The following MED15 variants were observed in gnomAD, a reference collection of about 807,000 sequenced individuals.
MED15 encodes mediator complex subunit 15.
A neutral mutation model predicts 118.7 loss-of-function variants in MED15; 41 were observed. The observed-to-expected ratio is 0.35, with a 90% CI of 0.27 to 0.45. The LOEUF is 0.45. Ranked by LOEUF, MED15 falls within the 20% of genes least tolerant of loss-of-function variation. MED15 has a pLI of 1.00. For missense variants in MED15, 740 were observed against 1,025.5 expected, an observed-to-expected ratio of 0.72 and a Z score of 3.80; for synonymous variants, 436 against 413.9, an observed-to-expected ratio of 1.05 and a Z score of -0.65.
At position 20,507,658 on chromosome 22, in the gene MED15, G is replaced by T; in HGVS notation, c.-21G>T. On this transcript the variant is annotated 5_prime_UTR_variant, in exon 1 of 18. Transcript: ENST00000263205. ...GGTGGCGGCCAAGCGGGATACGGGCGGCGGGAGCTGGGGAACAGGCATGGA... is the reference window on the plus strand; with the variant it reads ...GGTGGCGGCCAAGCGGGATACGGGCTGCGGGAGCTGGGGAACAGGCATGGA... 2 of 1,613,838 alleles carry T rather than the reference G, an allele frequency of 1.2e-6. No homozygotes were observed. The highest frequency in any genetic ancestry group is 1.7e-6 in the Non-Finnish European group (2 of 1,179,814).
At chr22:20,514,656 C>T (rs1241928002) in intron 1 of MED15, among the ~76,000 whole-genome samples, 1 of 152,184 alleles carries the variant, frequency 6.6e-6, no homozygotes, top group Non-Finnish European at 1.5e-5. Context: ...GCCACCTCTT[C>T]TAGTGAAGCC....
intron 1 of MED15, among the ~76,000 whole-genome samples, chr22:20,517,043 C>G (rs531560596): frequency 2.6e-4 from 39 of 152,080 alleles, no homozygotes; most frequent in African/African-American, 9.4e-4. Flanking sequence ...GATCTTCCTG[C>G]CTTAGCTTCC....
In MED15 at chr22:20,586,948, C is replaced by T. The variant is rs189999956; in HGVS notation, c.*244C>T. 86 of 582,652 alleles carry T rather than the reference C, an allele frequency of 1.5e-4. No individual in the cohort carries two copies. The East Asian group carries it at 2.0e-3, about 14-fold the overall frequency. The allele number at this position is 582,652 out of a possible 1,614,324, so 36.1% of individuals were successfully genotyped here. A position where few individuals can be genotyped will look rare whatever the true frequency, so the allele number is the denominator to read the frequency against. On this transcript the variant is annotated 3_prime_UTR_variant, in exon 18 of 18. Transcript: ENST00000263205. ...TTAGAGAAGGCCCTCCATGTGACTT[C>T]CTCCCAGGAGCCAGATGCGATCCTC...
chr22:20,578,349 C>A (rs9608152), intron 9 of MED15, among the ~76,000 whole-genome samples: 2 of 152,212 alleles, frequency 1.3e-5, no homozygotes, highest in Non-Finnish European at 2.9e-5. Context: ...TCCCTACTGC[C>A]CAGGCAGCTG....
chr22:20,560,867 C>T (rs2056209679), intron 5 of MED15, among the ~76,000 whole-genome samples: 1 of 152,132 alleles, frequency 6.6e-6, no homozygotes, highest in South Asian at 2.1e-4. Context: ...GTATCCCTAG[C>T]CTCAAATCCA....
intron 1 of MED15, among the ~76,000 whole-genome samples, chr22:20,521,676 G>T (rs138837242): frequency 1.3e-5 from 2 of 150,994 alleles, no homozygotes; most frequent in Admixed American, 1.3e-4. Context: ...GATTACAGGC[G>T]TGAGCCACTG....
intron 2 of MED15, among the ~76,000 whole-genome samples, chr22:20,544,345 G>A (rs1291099395): frequency 2.6e-5 from 4 of 152,092 alleles, no homozygotes; most frequent in Admixed American, 6.6e-5. Flanking sequence ...GCTATAACAC[G>A]TTACTACAAG....
chr22:20,584,713 A>C (rs1470350521), intron 14 of MED15, 142 bp from the exon 15 acceptor site: 1 of 1,099,536 alleles, frequency 9.1e-7, no homozygotes, highest in Non-Finnish European at 1.3e-6. Context: ...AGGATCAGCC[A>C]ACATTGTCTG....
At chr22:20,551,599 G>A in intron 3 of MED15, 112 bp downstream of exon 3, 3 of 987,032 alleles carry the variant, frequency 3.0e-6, no homozygotes, top group Non-Finnish European at 4.9e-6. Flanking sequence ...CAGAAGGTCT[G>A]TGTCACCTCA....
chr22:20,572,103 A>G (rs1472002678), intron 8 of MED15, among the ~76,000 whole-genome samples: 2 of 152,148 alleles, frequency 1.3e-5, no homozygotes, highest in African/African-American at 2.4e-5. Flanking sequence ...ATTTTTTGCT[A>G]TTACCAGTGA....
chr22:20,527,014 T>C (rs935036502), intron 1 of MED15, among the ~76,000 whole-genome samples: 1 of 152,206 alleles, frequency 6.6e-6, no homozygotes, highest in African/African-American at 2.4e-5. Flanking sequence ...ACATGCTAAC[T>C]GGGGAATTTA....
intron 1 of MED15, among the ~76,000 whole-genome samples, chr22:20,533,700 C>T (rs1293024497): frequency 1.3e-5 from 2 of 152,196 alleles, no homozygotes; most frequent in Non-Finnish European, 1.5e-5. Context: ...CTGTTTCTGG[C>T]CTCCAGCTTG....
chr22:20,521,316 C>T (rs529818079), intron 1 of MED15, among the ~76,000 whole-genome samples: 1 of 151,708 alleles, frequency 6.6e-6, no homozygotes, highest in South Asian at 2.1e-4. Flanking sequence ...AGGCTGGTCT[C>T]GAACTCCTGA....
At position 20,586,835 on chromosome 22, in the gene MED15, T is replaced by C; in HGVS notation, c.*131T>C. On this transcript the variant is annotated 3_prime_UTR_variant, in exon 18 of 18. Coordinates refer to ENST00000263205, the MANE Select transcript of MED15 (RefSeq NM_001003891.3). The stretch of plus-strand genomic sequence containing the variant: ...GCTTTCCTGCTTTTATCTTCTGCCT[T>C]GGGGACCTGCCAAACGAAATCCCAC... 1.5e-6 allele frequency: 2 copies of C among 1,351,336 alleles called. No homozygotes were observed. The highest frequency in any genetic ancestry group is 2.0e-6 in the Non-Finnish European group (2 of 1,005,770). 83.7% of individuals were successfully genotyped at this position (1,351,336 alleles called of 1,614,324 possible). A position where few individuals can be genotyped will look rare whatever the true frequency, so the allele number is the denominator to read the frequency against.
chr22:20,568,694 A>T, intron 8 of MED15, 63 bp downstream of exon 8: 1 of 1,570,380 alleles, frequency 6.4e-7, no homozygotes, highest in African/African-American at 1.4e-5. Context: ...CTGCGCATGT[A>T]GTGCTACAGT....
At chr22:20,555,977 C>T (rs148876050) in intron 5 of MED15, among the ~76,000 whole-genome samples, 16,210 of 152,282 alleles carry the variant, frequency 0.11, 1,247 homozygotes, top group Non-Finnish European at 0.15. Context: ...CTCACCTCGG[C>T]CTCCCAAAGT....
chr22:20,537,446 T>C (rs2055124133), intron 2 of MED15, among the ~76,000 whole-genome samples: 1 of 152,164 alleles, frequency 6.6e-6, no homozygotes, highest in Admixed American at 6.5e-5. Flanking sequence ...GCCGTCACCT[T>C]CCATCTGTGG....
chr22:20,523,727 C>G, intron 1 of MED15: 2 of 985,444 alleles, frequency 2.0e-6, no homozygotes, highest in Non-Finnish European at 2.4e-6. Flanking sequence ...GATCTCGAGG[C>G]CTTTCCAACT....
At chr22:20,586,197 C>T (rs1308478235) in intron 17 of MED15, among the ~76,000 whole-genome samples, 2 of 152,218 alleles carry the variant, frequency 1.3e-5, no homozygotes, top group African/African-American at 2.4e-5. Flanking sequence ...CCAGGTTCCA[C>T]TGGTAGCTTG....
Sources: gnomAD v4.1 joint callset for allele counts (sites outside exome capture counted in the v4.1 genomes callset) on GRCh38, gnomAD v4.1.1 for gene constraint, MANE v1.5 for transcripts, NCBI Gene and HGNC (gene_info 2026-07-23, HGNC 2026-07-21) for gene names.